Variants in DSCAM observed in about 807,000 individuals in gnomAD.
DSCAM encodes cell adhesion molecule DSCAM.
Under a neutral mutation model 217.7 loss-of-function variants are expected in DSCAM, and 47 were observed. The observed-to-expected ratio is 0.22, with a 90% confidence interval of 0.17 to 0.28. The LOEUF (loss-of-function observed/expected upper bound fraction) is 0.28, where lower values mean the gene tolerates loss of function less well. DSCAM is among the 10% of genes least tolerant of loss of function. The pLI is 1.00. For missense variants in DSCAM, 2,080 were observed against 2,618.3 expected (o/e 0.79, Z 4.49); for synonymous variants, 1,056 against 1,015.3 (o/e 1.04, Z -0.76).
intron 1 of DSCAM, among the ~76,000 whole-genome samples, chr21:40,762,266 AT>A (rs529541963): frequency 0.011 from 1,608 of 152,330 alleles, 17 homozygotes; most frequent in Middle Eastern, 0.02. Flanking sequence ...CAATAAAAAA[AT>A]GATAAAGGGG....
At chr21:40,362,318 CA>C (rs1310915215) in intron 4 of DSCAM, among the ~76,000 whole-genome samples, 7 of 152,062 alleles carry the variant, frequency 4.6e-5, no homozygotes, top group African/African-American at 1.7e-4. Context: ...AGGTAGTTAC[CA>C]TGCTGAATTT....
intron 3 of DSCAM, among the ~76,000 whole-genome samples, chr21:40,572,621 G>A (rs1484245236): frequency 1.3e-5 from 2 of 152,080 alleles, no homozygotes; most frequent in East Asian, 1.9e-4. Flanking sequence ...ATATCTGACC[G>A]AGTACAATTC....
At chr21:40,031,049 C>G (rs930520517) in intron 32 of DSCAM, among the ~76,000 whole-genome samples, 1 of 152,114 alleles carries the variant, frequency 6.6e-6, no homozygotes, top group Admixed American at 6.6e-5. Context: ...TGTTTGTGTC[C>G]TCTTGTTCCA....
intron 3 of DSCAM, among the ~76,000 whole-genome samples, chr21:40,392,457 C>T (rs2075142435): frequency 1.3e-5 from 2 of 152,094 alleles, no homozygotes; most frequent in South Asian, 2.1e-4. Flanking sequence ...AAATGGTACT[C>T]CTGTAAAGCA....
chr21:40,846,489 G>A (rs2092146041), intron 1 of DSCAM, 130 bp downstream of exon 1: 1 of 331,742 alleles, frequency 3.0e-6, no homozygotes, highest in Non-Finnish European at 5.0e-6. Context: ...ATAAAAGCAC[G>A]AAATTTTAAA....
At chr21:40,170,029 C>T (rs1221568271) in intron 15 of DSCAM, among the ~76,000 whole-genome samples, 1 of 152,154 alleles carries the variant, frequency 6.6e-6, no homozygotes, top group Non-Finnish European at 1.5e-5. Context: ...TCACACTGTT[C>T]ACCCACCCTA....
intron 1 of DSCAM, among the ~76,000 whole-genome samples, chr21:40,731,433 G>A (rs1281028137): frequency 6.6e-6 from 1 of 152,126 alleles, no homozygotes; most frequent in Non-Finnish European, 1.5e-5. Flanking sequence ...GGGGCGGTGA[G>A]TATACTAGTT....
chr21:40,202,149 G>T (rs2091076594), intron 11 of DSCAM, among the ~76,000 whole-genome samples: 1 of 152,132 alleles, frequency 6.6e-6, no homozygotes, highest in Non-Finnish European at 1.5e-5. Context: ...ACAAGTCTTG[G>T]GCCAATAGCC....
At chr21:40,139,829 C>T (rs1216241112) in intron 18 of DSCAM, among the ~76,000 whole-genome samples, 1 of 138,712 alleles carries the variant, frequency 7.2e-6, no homozygotes, top group Non-Finnish European at 1.6e-5. Flanking sequence ...GTGTGGTATG[C>T]GTGGTGTGGT....
At chr21:40,367,787 G>A (rs2074849680) in intron 4 of DSCAM, among the ~76,000 whole-genome samples, 2 of 152,086 alleles carry the variant, frequency 1.3e-5, no homozygotes, top group Non-Finnish European at 2.9e-5. Context: ...TTTTCGGCAG[G>A]TGGCTTAGTG....
chr21:40,686,730 C>A (rs1026239390), intron 3 of DSCAM, among the ~76,000 whole-genome samples: 1 of 152,168 alleles, frequency 6.6e-6, no homozygotes, highest in East Asian at 1.9e-4. Flanking sequence ...TGCTTTGGAG[C>A]CTTGCTGGCA....
intron 4 of DSCAM, among the ~76,000 whole-genome samples, chr21:40,362,241 A>C (rs531908658): frequency 3.6e-4 from 55 of 152,146 alleles, no homozygotes; most frequent in Non-Finnish European, 5.7e-4. Context: ...ATACGTGTGC[A>C]TGTGTCTTTA....
chr21:40,138,678 ATGTGTGGTGTGG>A (rs2090245869), intron 18 of DSCAM, among the ~76,000 whole-genome samples: 1 of 107,648 alleles, frequency 9.3e-6, no homozygotes, highest in Admixed American at 1.0e-4. Flanking sequence ...TATGTGGTGT[ATGTGTGGTGTGG>A]TGTGTGGTGT....
chr21:40,054,374 A>T (rs548968013), intron 29 of DSCAM, among the ~76,000 whole-genome samples: 1 of 152,304 alleles, frequency 6.6e-6, no homozygotes, highest in South Asian at 2.1e-4. Context: ...ACCAAATGTG[A>T]CTTCAGCCAG....
At chr21:40,570,719 C>G (rs145909853) in intron 3 of DSCAM, among the ~76,000 whole-genome samples, 1 of 152,004 alleles carries the variant, frequency 6.6e-6, no homozygotes, top group Non-Finnish European at 1.5e-5. Flanking sequence ...ACTATCAGGA[C>G]GTAACTGTAT....
At chr21:40,619,696 C>A (rs1191753281) in intron 3 of DSCAM, among the ~76,000 whole-genome samples, 1 of 152,034 alleles carries the variant, frequency 6.6e-6, no homozygotes, top group Admixed American at 6.6e-5. Flanking sequence ...CATCCACAGG[C>A]ATTGTAAATA....
At chr21:40,560,739 C>T (rs779695808) in intron 3 of DSCAM, among the ~76,000 whole-genome samples, 15 of 152,312 alleles carry the variant, frequency 9.8e-5, no homozygotes, top group Non-Finnish European at 1.9e-4. Context: ...TTGTAGAGTA[C>T]CGGTTGTTTG....
At chr21:40,784,198 TG>T (rs2123440126) in intron 1 of DSCAM, among the ~76,000 whole-genome samples, 1 of 152,294 alleles carries the variant, frequency 6.6e-6, no homozygotes, top group South Asian at 2.1e-4. Context: ...AATCCCCATG[TG>T]TTATGGGAGA....
chr21:40,434,424 T>C (rs530534319), intron 3 of DSCAM, among the ~76,000 whole-genome samples: 1 of 152,282 alleles, frequency 6.6e-6, no homozygotes, highest in Admixed American at 6.5e-5. Flanking sequence ...ATTATTTGAA[T>C]TTAGGCTTAG....
Sources: gnomAD v4.1 joint callset for allele counts (sites outside exome capture counted in the v4.1 genomes callset) on GRCh38, gnomAD v4.1.1 for gene constraint, MANE v1.5 for transcripts, NCBI Gene and HGNC (gene_info 2026-07-23, HGNC 2026-07-21) for gene names.